CRPPA: variants seen among roughly 807,000 people sequenced by gnomAD.
CRPPA encodes D-ribitol-5-phosphate cytidylyltransferase.
A neutral mutation model predicts 52.0 loss-of-function variants in CRPPA; 43 were observed. The ratio of observed to expected loss-of-function variants is 0.83; its 90% CI spans 0.65 to 1.07. The LOEUF (loss-of-function observed/expected upper bound fraction) is 1.07. Ranked by LOEUF, CRPPA falls within the 50% of genes least tolerant of loss-of-function variation. The probability of loss-of-function intolerance (pLI) is 0.00; values close to 1 mark genes in which losing one functional copy is unlikely to be tolerated. For missense variants in CRPPA, 629 were observed against 551.7 expected (o/e 1.14, Z -1.40); for synonymous variants, 250 against 203.5 (o/e 1.23, Z -1.94).
intron 3 of CRPPA, among the ~76,000 whole-genome samples, chr7:16,338,189 T>G (rs182771827): frequency 6.6e-6 from 1 of 152,262 alleles, no homozygotes; most frequent in East Asian, 1.9e-4. Flanking sequence ...TAAAAAGCAT[T>G]CACAATGACC....
rs899224980 is a variant in CRPPA at position 16,113,180 on chromosome 7, T to C, written c.1252-21381A>G. Among the ~76,000 whole-genome samples, 10 of 152,040 alleles carry C rather than the reference T, an allele frequency of 6.6e-5. No homozygotes were observed. In the South Asian group the frequency reaches 8.3e-4, roughly 13 times the overall value. On this transcript the variant is annotated intron_variant, in intron 9 of 9. Coordinates refer to ENST00000407010, the MANE Select transcript of CRPPA (RefSeq NM_001101426.4). ...GAATTTTTGTAAATGAAAAGCATTG[T>C]TGAACATAAAGAAAAAAGAATCTCA...
rs191485291 is a variant in CRPPA, at chr7:16,162,992, G to A, written c.1251+53074C>T. Among the ~76,000 whole-genome samples the A allele has an allele frequency of 7.1e-3, 116 of 16,258 alleles. 2 individuals are homozygous for A. The East Asian group carries it at 0.13, about 18-fold the overall frequency. 10.7% of individuals were successfully genotyped at this position (16,258 alleles called of 152,430 possible). Reference sequence around the variant, plus strand: ...CTTTCTCTTTTTTTTTTTTTTTTTTGAGACGGAGTCTCGCTCTGTTGCCCA... The same window carrying A: ...CTTTCTCTTTTTTTTTTTTTTTTTTAAGACGGAGTCTCGCTCTGTTGCCCA... On this transcript the variant is annotated intron_variant, in intron 9 of 9. Coordinates refer to ENST00000407010, the MANE Select transcript of CRPPA (RefSeq NM_001101426.4).
chr7:16,217,583 G>C (rs1397111384), intron 8 of CRPPA, among the ~76,000 whole-genome samples: 1 of 144,430 alleles, frequency 6.9e-6, no homozygotes, highest in Non-Finnish European at 1.5e-5. Flanking sequence ...AACCAATACA[G>C]AGAAGTGCTT....
chr7:16,221,898 G>A (rs1169534048), intron 8 of CRPPA, among the ~76,000 whole-genome samples: 4 of 151,570 alleles, frequency 2.6e-5, no homozygotes, highest in Non-Finnish European at 5.9e-5. Flanking sequence ...CGATTCCTCA[G>A]GGATCTAGAA....
rs78422919 is a variant in CRPPA at position 16,120,227 on chromosome 7, T to A, written c.1252-28428A>T. On this transcript the variant is annotated intron_variant, in intron 9 of 9. Coordinates refer to ENST00000407010, the MANE Select transcript of CRPPA (RefSeq NM_001101426.4). ...GTTGACCTTGGTCAGGTCTGTATCA[T>A]CCGGTTTTATCAGGAATCTTGTTAA... 7.1e-3 allele frequency among the ~76,000 whole-genome samples: 1,074 copies of A among 152,302 alleles called. 18 individuals are homozygous for A. The highest frequency in any genetic ancestry group is 0.064 in the East Asian group (334 of 5,182).
intron 3 of CRPPA, among the ~76,000 whole-genome samples, chr7:16,322,206 T>C (rs958896979): frequency 6.6e-6 from 1 of 152,174 alleles, no homozygotes; most frequent in Non-Finnish European, 1.5e-5. Context: ...CTTTGGAAGC[T>C]GGCACCAGGA....
chr7:16,255,158 G>C (rs993048238), intron 8 of CRPPA, among the ~76,000 whole-genome samples: 5 of 152,032 alleles, frequency 3.3e-5, no homozygotes, highest in Non-Finnish European at 7.4e-5. Flanking sequence ...CAGACAAATA[G>C]AGAGCCAAAT....
At chr7:16,348,545 T>C (rs1414847792) in intron 3 of CRPPA, among the ~76,000 whole-genome samples, 1 of 152,160 alleles carries the variant, frequency 6.6e-6, no homozygotes, top group East Asian at 1.9e-4. Context: ...TATATGAGCG[T>C]CTCCTGAAGA....
At chr7:16,386,365 G>C (rs188573804) in intron 2 of CRPPA, among the ~76,000 whole-genome samples, 1 of 152,262 alleles carries the variant, frequency 6.6e-6, no homozygotes, top group East Asian at 1.9e-4. Context: ...GTAGGTACAG[G>C]ATAGGGAAGG....
At chr7:16,111,701 A>T (rs992468450) in intron 9 of CRPPA, among the ~76,000 whole-genome samples, 1 of 152,214 alleles carries the variant, frequency 6.6e-6, no homozygotes, top group Non-Finnish European at 1.5e-5. Context: ...TTACTTATAT[A>T]TGGAATCTAA....
At chr7:16,166,992 G>T (rs780621438) in intron 9 of CRPPA, among the ~76,000 whole-genome samples, 3 of 149,740 alleles carry the variant, frequency 2.0e-5, no homozygotes, top group Non-Finnish European at 4.4e-5. Flanking sequence ...GCAGTGGTGC[G>T]ATCTCCACTC....
chr7:16,287,091 A>AT (rs1486958359), intron 5 of CRPPA, among the ~76,000 whole-genome samples: 1 of 152,062 alleles, frequency 6.6e-6, no homozygotes, highest in Non-Finnish European at 1.5e-5. Flanking sequence ...ACTTTTATAT[A>AT]TTTTACCTAA....
intron 2 of CRPPA, among the ~76,000 whole-genome samples, chr7:16,380,029 G>C (rs1230071225): frequency 2.6e-5 from 4 of 151,142 alleles, no homozygotes; most frequent in Non-Finnish European, 4.4e-5. Context: ...ACACTACGTT[G>C]AATAGGAGTG....
intron 9 of CRPPA, among the ~76,000 whole-genome samples, chr7:16,129,346 T>G (rs898957831): frequency 5.3e-5 from 8 of 152,084 alleles, no homozygotes; most frequent in African/African-American, 1.9e-4. Flanking sequence ...CCTCATTATA[T>G]CTCTCCTTTT....
intron 8 of CRPPA, among the ~76,000 whole-genome samples, chr7:16,257,250 A>G (rs193187341): frequency 3.9e-5 from 6 of 152,258 alleles, no homozygotes; most frequent in Admixed American, 3.3e-4. Context: ...CCTCATCACC[A>G]TATCTGGGAA....
chr7:16,309,655 C>A (rs568681359), intron 3 of CRPPA, among the ~76,000 whole-genome samples: 1 of 152,046 alleles, frequency 6.6e-6, no homozygotes, highest in South Asian at 2.1e-4. Context: ...GTCTCCCAGA[C>A]TGGAGCCACC....
chr7:16,400,654 A>G (rs1787790901), intron 2 of CRPPA, among the ~76,000 whole-genome samples: 1 of 152,204 alleles, frequency 6.6e-6, no homozygotes, highest in African/African-American at 2.4e-5. Flanking sequence ...CACGTGACTG[A>G]CACGTGTCCA....
At chr7:16,140,630 C>A (rs1415342057) in intron 9 of CRPPA, among the ~76,000 whole-genome samples, 2 of 152,160 alleles carry the variant, frequency 1.3e-5, no homozygotes, top group African/African-American at 4.8e-5. Flanking sequence ...ATTATATAAT[C>A]CTTTTTATCT....
At chr7:16,334,947 AC>A (rs1785641702) in intron 3 of CRPPA, among the ~76,000 whole-genome samples, 1 of 152,102 alleles carries the variant, frequency 6.6e-6, no homozygotes, top group South Asian at 2.1e-4. Flanking sequence ...ATCAAAGTAC[AC>A]AAATAAAGCT....
Sources: gnomAD v4.1 joint callset for allele counts (sites outside exome capture counted in the v4.1 genomes callset) on GRCh38, gnomAD v4.1.1 for gene constraint, MANE v1.5 for transcripts, NCBI Gene and HGNC (gene_info 2026-07-23, HGNC 2026-07-21) for gene names.